The following ZNF669 variants were observed in gnomAD, a reference collection of about 807,000 sequenced individuals.
ZNF669 encodes the protein zinc finger protein 669.
ZNF669 carries 7 observed loss-of-function variants against 11.4 expected under a neutral mutation model. That is an observed-to-expected ratio of 0.62 (90% CI 0.35 to 1.16). The LOEUF (loss-of-function observed/expected upper bound fraction) is 1.16, where lower values mean the gene tolerates loss of function less well. Ranked by LOEUF, ZNF669 falls within the 50% of genes most tolerant of loss-of-function variation. The probability of loss-of-function intolerance (pLI) is 0.02; values close to 1 mark genes in which losing one functional copy is unlikely to be tolerated. For missense variants in ZNF669, 492 were observed against 463.6 expected (o/e 1.06, Z -0.56); for synonymous variants, 153 against 155.8 (o/e 0.98, Z 0.13).
rs1158101338 is a variant in ZNF669, at chr1:247,101,013, AC to A, written c.497del (p.Cys166LeufsTer43). On this transcript the variant is annotated frameshift_variant, in exon 4 of 4. Transcript: ENST00000448299. LOFTEE classifies it low-confidence loss of function (END_TRUNC). ...AATAAAAAGCTTTCCCACATATCGT[AC>A]ATTTATAAGCTGGATTTCCACTGTG... ...IMHSGNPAYK[C>X]TICGKAFYFL... is the part of the protein sequence containing the mutation. 1.2e-6 allele frequency: 2 copies of A among 1,613,598 alleles called. No homozygotes were observed. Among genetic ancestry groups the A allele is most frequent in the African/African-American group, 2.7e-5 (2 of 74,920 alleles).
At chr1:247,101,593 G>A (rs1238647480) in intron 3 of ZNF669, 138 bp downstream of exon 3, 18 of 871,084 alleles carry the variant, frequency 2.1e-5, no homozygotes, top group Middle Eastern at 3.6e-4. Flanking sequence ...ATTGAAGTAC[G>A]TTACATTTTG....
rs1218347110 is a variant in ZNF669, at chr1:247,104,210, C to T, written c.-11G>A. The T allele has an allele frequency of 6.6e-7, 1 of 1,512,322 alleles. No individual in the cohort carries two copies. Among genetic ancestry groups the T allele is most frequent in the Non-Finnish European group, 8.8e-7 (1 of 1,131,758 alleles). 93.7% of individuals were successfully genotyped at this position (1,512,322 alleles called of 1,614,324 possible). ...CAGTCCACTCACCATTCCTCGGCTT[C>T]CCGGGTGTCCTGGCGTCAGCTAGGG... On this transcript the variant is annotated 5_prime_UTR_variant, in exon 1 of 4. Coordinates refer to ENST00000448299, the MANE Select transcript of ZNF669 (RefSeq NM_001142572.2).
At chr1:247,101,956 G>A (rs1174113086) in intron 2 of ZNF669, 31 bp downstream of exon 2, 1 of 1,613,710 alleles carries the variant, frequency 6.2e-7, no homozygotes, top group Middle Eastern at 1.6e-4. Flanking sequence ...AAAGACTTCT[G>A]TAATTAACTG....
At chr1:247,101,683 C>CTA in intron 3 of ZNF669, 48 bp downstream of exon 3, 1 of 1,515,138 alleles carries the variant, frequency 6.6e-7, no homozygotes, top group South Asian at 1.2e-5. Context: ...TCATGACATG[C>CTA]TAAGATTCCT....
Position 247,100,739 on chromosome 1 carries a change from T to C in ZNF669, c.772A>G (p.Ser258Gly). The stretch of plus-strand genomic sequence containing the variant: ...TGGTAACGAAGGGAAGTGGAACAGC[T>C]GAAGGCTTTATCACATTTGGTACAT... ...YKCTKCDKAF[S>G]CSTSLRYHGS... Residue 258 changes from serine to glycine, a missense_variant, in exon 4 of 4, where the codon AGC becomes GGC. Physicochemically the swap from Ser to Gly is moderately conservative, Grantham distance 56. Coordinates refer to ENST00000448299, the MANE Select transcript of ZNF669 (RefSeq NM_001142572.2). 1 of 1,614,208 alleles carries C rather than the reference T, an allele frequency of 6.2e-7. No individual in the cohort carries two copies. Among genetic ancestry groups the C allele is most frequent in the Non-Finnish European group, 8.5e-7 (1 of 1,180,032 alleles).
At position 247,100,995 on chromosome 1, in the gene ZNF669, A is replaced by T. The variant is rs772364077; in HGVS notation, c.516T>A (p.Ala172=). Reference sequence around the variant, plus strand: ...TTTCAACTGAATTGAGAAAATAAAAAGCTTTCCCACATATCGTACATTTAT... The same window carrying T: ...TTTCAACTGAATTGAGAAAATAAAATGCTTTCCCACATATCGTACATTTAT... The part of the protein sequence containing the change: ...PAYKCTICGK[A]FYFLNSVERH... The change falls in exon 4 of 4, where the codon GCT becomes GCA. Residue 172 remains alanine (A), a synonymous_variant. Transcript: ENST00000448299. The T allele has an allele frequency of 6.2e-7, 1 of 1,613,240 alleles. No individual in the cohort carries two copies. The highest frequency in any genetic ancestry group is 2.2e-5 in the East Asian group (1 of 44,876).
At chr1:247,101,865 G>A (rs1027728167) in intron 2 of ZNF669, 74 bp from the exon 3 acceptor site, 2 of 1,601,314 alleles carry the variant, frequency 1.2e-6, no homozygotes, top group Non-Finnish European at 1.7e-6. Context: ...AATGTTCACT[G>A]TACACAGTGC....
At chr1:247,103,967 C>A in intron 1 of ZNF669, 1 of 1,604,238 alleles carries the variant, frequency 6.2e-7, no homozygotes, top group Non-Finnish European at 8.5e-7. Context: ...GGGTTCCCGA[C>A]AGGGCTCCGG....
rs777614640 is a variant in ZNF669 at position 247,100,482 on chromosome 1, A to T, written c.1029T>A (p.Arg343=). Residue 343 remains arginine (R), a synonymous_variant, in exon 4 of 4, where the codon CGT becomes CGA. Coordinates refer to ENST00000448299, the MANE Select transcript of ZNF669 (RefSeq NM_001142572.2). ...ECKKCGKAYT[R]SSHLTRHERS... is the part of the protein sequence containing the mutation. ...TTTCATGGCGAGTAAGGTGACTGGA[A>T]CGAGTGTAGGCTTTACCGCATTTCT... The T allele has an allele frequency of 1.2e-5, 19 of 1,614,228 alleles. No individual in the cohort carries two copies. The South Asian group carries it at 2.0e-4, about 17-fold the overall frequency.
chr1:247,100,791 C>A lies in ZNF669; in HGVS notation c.720G>T (p.Arg240Ser). 6.2e-7 allele frequency: 1 copy of A among 1,613,770 alleles called. No individual in the cohort carries two copies. ...RFSCSFKTHE[R>S]THTGERPYKC... ...TATAGGGTCTTTCTCCAGTGTGAGT[C>A]CTTTCATGCGTCTTAAAAGAACAAG... is the stretch of plus-strand genomic sequence containing the variant. Residue 240 changes from arginine to serine, a missense_variant, in exon 4 of 4, where the codon AGG becomes AGT. Transcript: ENST00000448299.
At chr1:247,102,202 T>C in intron 1 of ZNF669, 89 bp from the exon 2 acceptor site, 1 of 1,456,070 alleles carries the variant, frequency 6.9e-7, no homozygotes, top group Non-Finnish European at 9.2e-7. Context: ...TTTACATGAT[T>C]TGATAATTTC....
In ZNF669 at chr1:247,100,497, A is replaced by C. The variant is rs765706093; in HGVS notation, c.1014T>G (p.Gly338=). 5.6e-5 allele frequency: 91 copies of C among 1,614,076 alleles called. No individual in the cohort carries two copies. Among genetic ancestry groups the C allele is most frequent in the Non-Finnish European group, 7.3e-5 (86 of 1,180,040 alleles). The change falls in exon 4 of 4, where the codon GGT becomes GGG. Residue 338 remains glycine, a synonymous_variant. Transcript: ENST00000448299. The part of the protein sequence containing the change: ...GEKPYECKKC[G]KAYTRSSHLT... Reference sequence around the variant, plus strand: ...GGTGACTGGAACGAGTGTAGGCTTTACCGCATTTCTTACATTCATAGGGTT... The same window carrying C: ...GGTGACTGGAACGAGTGTAGGCTTTCCCGCATTTCTTACATTCATAGGGTT...
At chr1:247,104,019 G>A (rs776671974) in intron 1 of ZNF669, 178 bp downstream of exon 1, 3 of 1,595,238 alleles carry the variant, frequency 1.9e-6, no homozygotes, top group Non-Finnish European at 2.6e-6. Context: ...GGATGCAGGG[G>A]TTCCGCTGCC....
chr1:247,103,790 C>T lies in ZNF669; in HGVS notation c.3+407G>A, dbSNP rs1030485124. ...CCGTTTGCTCAAACACACGGTTTAA[C>T]GTTTTAACAAAGCCTCGGCTTAATT... On this transcript the variant is annotated intron_variant, in intron 1 of 3. Transcript: ENST00000448299. The T allele has an allele frequency of 1.8e-5, 20 of 1,130,658 alleles. No individual in the cohort carries two copies. In the Admixed American group the frequency reaches 4.3e-4, roughly 24 times the overall value. 70.0% of individuals were successfully genotyped at this position (1,130,658 alleles called of 1,614,324 possible). A position where few individuals can be genotyped will look rare whatever the true frequency, so the allele number is the denominator to read the frequency against.
At chr1:247,103,503 G>T (rs1403732312) in intron 1 of ZNF669, among the ~76,000 whole-genome samples, 5 of 151,724 alleles carry the variant, frequency 3.3e-5, no homozygotes, top group Admixed American at 3.3e-4. Context: ...GCGTGGTGGC[G>T]GGCGCCTGTA....
intron 3 of ZNF669, among the ~76,000 whole-genome samples, 158 bp downstream of exon 3, chr1:247,101,572 CT>C (rs1209106247): frequency 6.6e-6 from 1 of 152,176 alleles, no homozygotes; most frequent in African/African-American, 2.4e-5. Context: ...TTTGCAAACA[CT>C]GACTGCTACA....
At position 247,104,011 on chromosome 1, in the gene ZNF669, A is replaced by G. The variant is rs746859146; in HGVS notation, c.3+186T>C. On this transcript the variant is annotated intron_variant, in intron 1 of 3. Transcript: ENST00000448299. ...AGTGGCGCCCGCAGGTACAGACAGG[A>G]TGCAGGGGTTCCGCTGCCCGCCCCG... 1.8e-5 allele frequency: 28 copies of G among 1,599,620 alleles called. No individual in the cohort carries two copies. The Admixed American group carries it at 4.9e-4, about 28-fold the overall frequency.
In ZNF669 at chr1:247,103,968, A is replaced by G. The variant is rs764623095; in HGVS notation, c.3+229T>C. On this transcript the variant is annotated intron_variant, in intron 1 of 3. Coordinates refer to ENST00000448299, the MANE Select transcript of ZNF669 (RefSeq NM_001142572.2). The stretch of plus-strand genomic sequence containing the variant: ...ATAGGGGAGGCGAGGGGTTCCCGAC[A>G]GGGCTCCGGCCGGCGGAAGTGGCGC... 1.1e-5 allele frequency: 17 copies of G among 1,604,360 alleles called. No homozygotes were observed. The East Asian group carries it at 3.8e-4, about 36-fold the overall frequency.
rs750697954 is a variant in ZNF669 at position 247,104,132 on chromosome 1, C to T, written c.3+65G>A. On this transcript the variant is annotated intron_variant, in intron 1 of 3. Coordinates refer to ENST00000448299, the MANE Select transcript of ZNF669 (RefSeq NM_001142572.2). The stretch of plus-strand genomic sequence containing the variant: ...GAGCCGATGGCGTGGAGGCCCGAGT[C>T]GCGCCACAGCAGGTTTCAACCAGCC... The T allele has an allele frequency of 5.0e-6, 8 of 1,586,412 alleles. No homozygotes were observed. In the South Asian group the frequency reaches 9.2e-5, roughly 18 times the overall value.
Sources: allele counts gnomAD v4.1 joint callset (sites outside exome capture counted in the v4.1 genomes callset), GRCh38; gene constraint gnomAD v4.1.1; transcripts MANE v1.5; gene names NCBI Gene and HGNC (gene_info 2026-07-23, HGNC 2026-07-21).